The following PHEX variants were observed in gnomAD, a reference collection of about 807,000 sequenced individuals.
The protein encoded by PHEX is phosphate-regulating neutral endopeptidase PHEX.
Under a neutral mutation model 68.0 loss-of-function variants are expected in PHEX, and 16 were observed. The observed-to-expected ratio is 0.24, with a 90% CI of 0.16 to 0.36. The LOEUF is 0.36. Among genes scored for constraint, PHEX ranks in the 10% least tolerant of loss-of-function variants. The pLI is 1.00. For missense variants in PHEX, 480 were observed against 575.5 expected, an observed-to-expected ratio of 0.83 and a Z score of 1.70; for synonymous variants, 208 against 205.1, an observed-to-expected ratio of 1.01 and a Z score of -0.12.
At chrX:22,082,802 A>G (rs887573629) in intron 5 of PHEX, among the ~76,000 whole-genome samples, 24 of 112,235 alleles carry the variant, frequency 2.1e-4, no homozygotes, top group African/African-American at 7.8e-4. Context: ...TACAGATTCA[A>G]TGCTATTTCT....
intron 12 of PHEX, chrX:22,163,491 ACCT>A (rs1470923487): frequency 9.0e-6 from 1 of 111,057 alleles, no homozygotes; most frequent in Non-Finnish European, 1.9e-5. Flanking sequence ...AGCTGCGTAA[ACCT>A]CCTCTATTGA....
chrX:22,206,941 G>A (rs1185291696), intron 15 of PHEX, among the ~76,000 whole-genome samples: 1 of 112,008 alleles, frequency 8.9e-6, no homozygotes, highest in Non-Finnish European at 1.9e-5. Flanking sequence ...TGGGAAAGCT[G>A]TAGCTACCGT....
chrX:22,176,397 AAAAAAATATATATAT>A (rs1933701876), intron 13 of PHEX, among the ~76,000 whole-genome samples: 2 of 75,770 alleles, frequency 2.6e-5, no homozygotes, highest in African/African-American at 1.5e-4. Flanking sequence ...AAAAAAAAAA[AAAAAAATATATATAT>A]ATATATATAT....
At chrX:22,223,834 G>GAA (rs1935351087) in intron 18 of PHEX, among the ~76,000 whole-genome samples, 4 of 112,728 alleles carry the variant, frequency 3.5e-5, no homozygotes, top group African/African-American at 1.3e-4. Context: ...AGAGCCAAGA[G>GAA]GAGTTGGGAC....
At chrX:22,132,872 T>C (rs1932071065) in intron 11 of PHEX, among the ~76,000 whole-genome samples, 1 of 105,959 alleles carries the variant, frequency 9.4e-6, no homozygotes, top group Admixed American at 9.9e-5. Context: ...TGGAAAGAAA[T>C]GGTTTTTTTT....
At chrX:22,050,588 A>AC (rs1927782969) in intron 3 of PHEX, among the ~76,000 whole-genome samples, 1 of 109,513 alleles carries the variant, frequency 9.1e-6, no homozygotes, top group African/African-American at 3.3e-5. Context: ...AAAAAAAAAA[A>AC]AAAAACAGAA....
chrX:22,049,689 G>A (rs1927722253), intron 3 of PHEX, among the ~76,000 whole-genome samples: 2 of 109,009 alleles, frequency 1.8e-5, no homozygotes, highest in African/African-American at 6.7e-5. Context: ...CTAACATAGC[G>A]AAACCCCGGC....
intron 4 of PHEX, 137 bp downstream of exon 4, chrX:22,076,611 T>C: frequency 2.0e-6 from 1 of 509,747 alleles, no homozygotes; most frequent in East Asian, 3.7e-5. Context: ...AAAGGAATGA[T>C]TGTGAAAGAC....
rs765875811 is a variant in PHEX at position 22,200,425 on chromosome X, G to A, written c.1645+9923G>A. Reference sequence around the variant, plus strand: ...GGAGTTTAAGACCAGCCTGGCCAACGTGGTGAAACCCTGTCTCTACTGAAA... The same window carrying A: ...GGAGTTTAAGACCAGCCTGGCCAACATGGTGAAACCCTGTCTCTACTGAAA... On this transcript the variant is annotated intron_variant, in intron 15 of 21. Transcript: ENST00000379374. Among the ~76,000 whole-genome samples the A allele has an allele frequency of 2.7e-5, 3 of 110,888 alleles. No homozygotes were observed. In the South Asian group the frequency reaches 1.2e-3, roughly 43 times the overall value.
chrX:22,165,165 G>T (rs1260272709), intron 12 of PHEX, among the ~76,000 whole-genome samples: 1 of 112,223 alleles, frequency 8.9e-6, no homozygotes, highest in Non-Finnish European at 1.9e-5. Context: ...GCAGTGTCCA[G>T]AGGTCACTGG....
At chrX:22,061,897 A>C (rs944123590) in intron 3 of PHEX, among the ~76,000 whole-genome samples, 2 of 111,895 alleles carry the variant, frequency 1.8e-5, no homozygotes, top group African/African-American at 6.5e-5. Context: ...TAAAGGAAAG[A>C]GGTTTAATTG....
chrX:22,229,528 T>A lies in PHEX; in HGVS notation c.2070+1917T>A, dbSNP rs141548692. On this transcript the variant is annotated intron_variant, in intron 20 of 21. Coordinates refer to ENST00000379374, the MANE Select transcript of PHEX (RefSeq NM_000444.6). ...GAGCATTTTTCATATGTTTGTTGGCTGCATAAATGTCTTCTTTTGAGAAAT... is the reference window on the plus strand; with the variant it reads ...GAGCATTTTTCATATGTTTGTTGGCAGCATAAATGTCTTCTTTTGAGAAAT... Among the ~76,000 whole-genome samples, 8 of 112,807 alleles carry A rather than the reference T, an allele frequency of 7.1e-5. No homozygotes were observed. The East Asian group carries it at 2.2e-3, about 31-fold the overall frequency.
intron 20 of PHEX, among the ~76,000 whole-genome samples, chrX:22,231,747 G>GT (rs1283015328): frequency 1.3e-4 from 15 of 111,252 alleles, no homozygotes; most frequent in South Asian, 3.8e-4. Flanking sequence ...TTTTTGAAGG[G>GT]TTTTTTGTGT....
intron 13 of PHEX, among the ~76,000 whole-genome samples, 192 bp downstream of exon 13, chrX:22,168,581 G>A (rs1380813247): frequency 1.8e-5 from 2 of 111,845 alleles, no homozygotes; most frequent in Admixed American, 1.9e-4. Context: ...TCAAAATAAA[G>A]AAGTGTCAGA....
At chrX:22,221,938 A>G (rs1935283551) in intron 18 of PHEX, among the ~76,000 whole-genome samples, 195 bp downstream of exon 18, 1 of 112,189 alleles carries the variant, frequency 8.9e-6, no homozygotes, top group Non-Finnish European at 1.9e-5. Context: ...GTCATCCCTT[A>G]ACCAGGCATG....
At chrX:22,215,235 T>C (rs190405442) in intron 16 of PHEX, among the ~76,000 whole-genome samples, 362 of 111,488 alleles carry the variant, frequency 3.2e-3, no homozygotes, top group African/African-American at 0.011. Context: ...AGTTTTTTTT[T>C]CCTAAAGACT....
intron 3 of PHEX, among the ~76,000 whole-genome samples, chrX:22,052,685 A>G (rs1170543358): frequency 3.6e-5 from 4 of 111,455 alleles, no homozygotes; most frequent in Non-Finnish European, 5.6e-5. Context: ...CTTTGGGCCA[A>G]TTACTGATCT....
At chrX:22,111,346 A>G (rs1370410801) in intron 9 of PHEX, 121 bp from the exon 10 acceptor site, 2 of 605,724 alleles carry the variant, frequency 3.3e-6, no homozygotes, top group Non-Finnish European at 5.7e-6. Flanking sequence ...AAAGTTCTGC[A>G]TTTTTGTATG....
At chrX:22,160,623 A>G (rs913925122) in intron 12 of PHEX, among the ~76,000 whole-genome samples, 2 of 109,788 alleles carry the variant, frequency 1.8e-5, no homozygotes, top group African/African-American at 6.6e-5. Context: ...AAACCATCAG[A>G]TCTCCTGAGA....
Sources: gnomAD v4.1 joint callset for allele counts (sites outside exome capture counted in the v4.1 genomes callset) on GRCh38, gnomAD v4.1.1 for gene constraint, MANE v1.5 for transcripts, NCBI Gene and HGNC (gene_info 2026-07-23, HGNC 2026-07-21) for gene names.